The following SLA variants were observed in gnomAD, a reference collection of about 807,000 sequenced individuals.
SLA encodes src-like-adapter.
In SLA, 16 loss-of-function variants were observed where a neutral mutation model predicts 30.3. The ratio of observed to expected loss-of-function variants is 0.53; its 90% CI spans 0.36 to 0.80. The LOEUF (loss-of-function observed/expected upper bound fraction) is 0.80. Ranked by LOEUF, SLA falls within the 30% of genes least tolerant of loss-of-function variation. SLA has a pLI of 0.01. For synonymous variants in SLA, 143 were observed against 137.8 expected (o/e 1.04, Z -0.26); for missense variants, 310 against 345.2 (o/e 0.90, Z 0.81).
At chr8:133,099,530 C>A in intron 1 of SLA, among the ~76,000 whole-genome samples, 1 of 152,210 alleles carries the variant, frequency 6.6e-6, no homozygotes. Flanking sequence ...GAACTCTGAA[C>A]TGGTTTAGCC....
Position 133,096,375 on chromosome 8 carries a change from T to C in SLA, c.-319+6178A>G. 1.7e-5 allele frequency: 28 copies of C among 1,614,106 alleles called. No homozygotes were observed. Among genetic ancestry groups the C allele is most frequent in the Non-Finnish European group, 2.4e-5 (28 of 1,179,970 alleles). On this transcript the variant is annotated intron_variant, in intron 1 of 8. Transcript: ENST00000338087. ...ATCAACAGAGCAAAGGCTGTGAAGGTAAGCAGGGAGGGGGCCTCGGATGTC... is the reference window on the plus strand; with the variant it reads ...ATCAACAGAGCAAAGGCTGTGAAGGCAAGCAGGGAGGGGGCCTCGGATGTC...
chr8:133,066,325 C>CAAA (rs11395047), intron 2 of SLA, among the ~76,000 whole-genome samples: 1,383 of 86,842 alleles, frequency 0.016, 53 homozygotes, highest in African/African-American at 0.033. Context: ...GACTCTGTCT[C>CAAA]AAAAAAAAAA....
chr8:133,093,849 G>A (rs906142157), intron 1 of SLA, among the ~76,000 whole-genome samples: 10 of 152,194 alleles, frequency 6.6e-5, no homozygotes, highest in African/African-American at 2.4e-4. Flanking sequence ...CTGTTACATG[G>A]GACAGTAAGA....
At chr8:133,052,518 C>T (rs1307459425) in intron 3 of SLA, among the ~76,000 whole-genome samples, 2 of 152,162 alleles carry the variant, frequency 1.3e-5, no homozygotes, top group Non-Finnish European at 2.9e-5. Context: ...CAGACCTTCC[C>T]CAAACCTGTG....
At chr8:133,045,602 C>T (rs142444593) in intron 6 of SLA, among the ~76,000 whole-genome samples, 1 of 152,084 alleles carries the variant, frequency 6.6e-6, no homozygotes, top group African/African-American at 2.4e-5. Flanking sequence ...GCTACATTGC[C>T]CAGGCTGATC....
At chr8:133,098,046 G>C (rs1225182812) in intron 1 of SLA, among the ~76,000 whole-genome samples, 1 of 152,120 alleles carries the variant, frequency 6.6e-6, no homozygotes, top group Non-Finnish European at 1.5e-5. Flanking sequence ...AATACCTTTT[G>C]TACCTGATCC....
chr8:133,087,911 A>C (rs1032552777), intron 1 of SLA: 4 of 152,104 alleles, frequency 2.6e-5, no homozygotes, highest in Admixed American at 6.5e-5. Flanking sequence ...AACCTCTTTC[A>C]CCTGCTACTG....
chr8:133,087,088 A>G (rs1352822435), intron 1 of SLA, among the ~76,000 whole-genome samples: 1 of 86,060 alleles, frequency 1.2e-5, no homozygotes, highest in Non-Finnish European at 2.8e-5. Context: ...ACACACACAC[A>G]CACACACACA....
At position 133,056,486 on chromosome 8, in the gene SLA, G is replaced by A. The variant is rs2249272; in HGVS notation, c.61+3614C>T. Among the ~76,000 whole-genome samples, 106 of 152,258 alleles carry A rather than the reference G, an allele frequency of 7.0e-4. 2 individuals are homozygous for A. In the East Asian group the frequency reaches 0.018, roughly 26 times the overall value. ...GAGCCCATCCTCTTCCAGAGCATGG[G>A]GGCTTCTTGAAACCCTGTCCTTTCC... On this transcript the variant is annotated intron_variant, in intron 3 of 8. Coordinates refer to ENST00000338087, the MANE Select transcript of SLA (RefSeq NM_001045556.3).
In SLA at chr8:133,038,654, G is replaced by T. The variant is rs1313449425; in HGVS notation, c.701C>A (p.Ala234Asp). 1 of 1,613,630 alleles carries T rather than the reference G, an allele frequency of 6.2e-7. No homozygotes were observed. The highest frequency in any genetic ancestry group is 1.7e-5 in the Admixed American group (1 of 60,020). The change falls in exon 9 of 9, where the codon GCC becomes GAC. Residue 234 changes from alanine (A) to aspartate (D), a missense_variant. Ala to Asp is a moderately radical substitution (Grantham distance 126, BLOSUM62 -2). Transcript: ENST00000338087. ...LFSYGLRESI[A>D]SYLSLTSEDN... is the part of the protein sequence containing the mutation. ...CTCACTGGTCAGGGACAGGTAAGAG[G>T]CAATGCTCTCTCGAAGGCCATAGCT...
chr8:133,095,739 G>C (rs1232139470), intron 1 of SLA, among the ~76,000 whole-genome samples: 2 of 152,224 alleles, frequency 1.3e-5, no homozygotes, highest in African/African-American at 4.8e-5. Flanking sequence ...ACATTAGCAG[G>C]AATAATTGTC....
At chr8:133,042,201 A>G (rs998138226) in intron 7 of SLA, among the ~76,000 whole-genome samples, 9 of 152,166 alleles carry the variant, frequency 5.9e-5, no homozygotes, top group African/African-American at 1.9e-4. Flanking sequence ...TCATTCTAAA[A>G]GCAACTCATT....
Position 133,060,208 on chromosome 8 carries a change from A to G in SLA, c.-40-8T>C, listed in dbSNP as rs750018324. ...GCTGGTGATGCCCAGAGCCTGTGGT[A>G]TAGGAGACAGACGGGGAAAGTCAAC... is the stretch of plus-strand genomic sequence containing the variant. On this transcript the variant is annotated splice_region_variant and splice_polypyrimidine_tract_variant and intron_variant, in intron 2 of 8. Coordinates refer to ENST00000338087, the MANE Select transcript of SLA (RefSeq NM_001045556.3). 5.6e-6 allele frequency: 9 copies of G among 1,613,464 alleles called. No homozygotes were observed. The highest frequency in any genetic ancestry group is 1.1e-5 in the South Asian group (1 of 90,964).
chr8:133,080,057 A>G (rs191139844), intron 1 of SLA, among the ~76,000 whole-genome samples: 265 of 152,270 alleles, frequency 1.7e-3, no homozygotes, highest in Non-Finnish European at 2.9e-3. Flanking sequence ...GAGTAAAGTC[A>G]TAGAAGGGAA....
At chr8:133,054,809 A>G (rs1247350279) in intron 3 of SLA, among the ~76,000 whole-genome samples, 1 of 152,206 alleles carries the variant, frequency 6.6e-6, no homozygotes, top group Non-Finnish European at 1.5e-5. Context: ...CACAAAGGGG[A>G]GGGACCCAGG....
intron 5 of SLA, 53 bp downstream of exon 5, chr8:133,049,849 G>A: frequency 8.7e-7 from 1 of 1,155,752 alleles, no homozygotes. Flanking sequence ...CACCTTATGA[G>A]TCACCAGCAT....
intron 1 of SLA, among the ~76,000 whole-genome samples, chr8:133,091,658 ATGAC>A (rs1365115039): frequency 3.3e-5 from 5 of 151,496 alleles, no homozygotes; most frequent in Non-Finnish European, 5.9e-5. Context: ...GTATGTGTCT[ATGAC>A]TGTGCGTGTG....
chr8:133,097,557 A>C (rs1364121803), intron 1 of SLA, among the ~76,000 whole-genome samples: 2 of 152,350 alleles, frequency 1.3e-5, no homozygotes, highest in East Asian at 3.9e-4. Flanking sequence ...ATGACAAAAA[A>C]CATGTAGAGG....
intron 2 of SLA, chr8:133,064,145 T>C (rs1487366009): frequency 6.6e-6 from 1 of 152,252 alleles, no homozygotes; most frequent in African/African-American, 2.4e-5. Context: ...CCAATGTTAT[T>C]TCCTTTGTGT....
Sources: gnomAD v4.1 joint callset for allele counts (sites outside exome capture counted in the v4.1 genomes callset) on GRCh38, gnomAD v4.1.1 for gene constraint, MANE v1.5 for transcripts, NCBI Gene and HGNC (gene_info 2026-07-23, HGNC 2026-07-21) for gene names.